The following SAMMSON variants were observed in gnomAD, a reference collection of about 807,000 sequenced individuals.
SAMMSON encodes survival associated mitochondrial melanoma specific oncogenic non-coding RNA.
At chr3:70,036,987 GATTA>G (rs1209144339) in intron 3 of SAMMSON, among the ~76,000 whole-genome samples, 1 of 152,026 alleles carries the variant, frequency 6.6e-6, no homozygotes, top group African/African-American at 2.4e-5. Flanking sequence ...ATAGGATGAT[GATTA>G]ATAGAATGTC....
At chr3:70,047,480 G>C (rs960513856) in intron 3 of SAMMSON, among the ~76,000 whole-genome samples, 1 of 151,732 alleles carries the variant, frequency 6.6e-6, no homozygotes, top group African/African-American at 2.4e-5. Flanking sequence ...GGAACTACAG[G>C]CACACACCTC....
At chr3:70,147,469 C>T (rs985863698) in intron 4 of SAMMSON, among the ~76,000 whole-genome samples, 5 of 152,040 alleles carry the variant, frequency 3.3e-5, no homozygotes, top group East Asian at 1.9e-4. Context: ...AGGGATCACA[C>T]GTAGATGACT....
intron 3 of SAMMSON, among the ~76,000 whole-genome samples, chr3:70,044,992 TTATATAATTAATTATATA>T (rs1238196152): frequency 1.5e-5 from 2 of 131,738 alleles, no homozygotes; most frequent in East Asian, 2.1e-4. Flanking sequence ...AATACTTTAA[TTATATAATTAATTATATA>T]TATATAATTA....
chr3:70,037,413 C>T (rs989914994), intron 3 of SAMMSON, among the ~76,000 whole-genome samples: 2 of 152,086 alleles, frequency 1.3e-5, no homozygotes, highest in Non-Finnish European at 2.9e-5. Flanking sequence ...ATGATTGGTT[C>T]ATAACTCAAT....
intron 4 of SAMMSON, chr3:70,137,519 TA>T (rs1275107143): frequency 6.6e-6 from 1 of 152,180 alleles, no homozygotes; most frequent in African/African-American, 2.4e-5. Context: ...TTTTTTTACA[TA>T]TTGTCTCAAC....
At chr3:70,063,203 G>A (rs541070743) in intron 3 of SAMMSON, among the ~76,000 whole-genome samples, 5 of 150,590 alleles carry the variant, frequency 3.3e-5, no homozygotes, top group South Asian at 2.1e-4. Context: ...TCACTGCTTC[G>A]TACCTTTTCC....
At chr3:70,014,669 C>T (rs2066974006) in intron 3 of SAMMSON, 1 of 152,186 alleles carries the variant, frequency 6.6e-6, no homozygotes, top group African/African-American at 2.4e-5. Flanking sequence ...TCTTTAGGGA[C>T]AGAACCAACC....
chr3:70,314,820 T>C (rs1237853039), intron 7 of SAMMSON, among the ~76,000 whole-genome samples: 2 of 152,152 alleles, frequency 1.3e-5, no homozygotes, highest in African/African-American at 2.4e-5. Flanking sequence ...AGAGAATCCA[T>C]TCCTACCCAC....
At chr3:70,033,389 A>G (rs2067072511) in intron 3 of SAMMSON, among the ~76,000 whole-genome samples, 1 of 152,014 alleles carries the variant, frequency 6.6e-6, no homozygotes, top group Non-Finnish European at 1.5e-5. Flanking sequence ...GGATTTGTTC[A>G]TGGTGTATGT....
At chr3:70,367,365 C>T (rs1702930589) in intron 9 of SAMMSON, among the ~76,000 whole-genome samples, 1 of 151,514 alleles carries the variant, frequency 6.6e-6, no homozygotes, top group Non-Finnish European at 1.5e-5. Context: ...CTACTCTCTA[C>T]CTTCATGAGA....
At chr3:70,177,790 A>T (rs1007558367) in intron 4 of SAMMSON, among the ~76,000 whole-genome samples, 1 of 152,172 alleles carries the variant, frequency 6.6e-6, no homozygotes, top group African/African-American at 2.4e-5. Flanking sequence ...ATTCAAACTG[A>T]GTTCTGTCCA....
intron 7 of SAMMSON, among the ~76,000 whole-genome samples, chr3:70,346,128 C>T (rs770747049): frequency 8.5e-5 from 13 of 152,118 alleles, no homozygotes; most frequent in African/African-American, 7.2e-5. Context: ...TTGCTCTTCA[C>T]GCTCACCAAT....
At chr3:70,000,309 C>T (rs1164420106) in intron 1 of SAMMSON, among the ~76,000 whole-genome samples, 1 of 152,220 alleles carries the variant, frequency 6.6e-6, no homozygotes, top group Non-Finnish European at 1.5e-5. Flanking sequence ...AAACGAGCCA[C>T]ACTCCCATCA....
intron 4 of SAMMSON, among the ~76,000 whole-genome samples, chr3:70,146,359 C>T (rs549618164): frequency 3.9e-5 from 6 of 151,936 alleles, no homozygotes; most frequent in East Asian, 3.9e-4. Flanking sequence ...AAAGACAGTA[C>T]AAAAATAGAA....
chr3:70,412,977 TTTG>T (rs768386249), intron 2 of SAMMSON, among the ~76,000 whole-genome samples: 2 of 152,112 alleles, frequency 1.3e-5, no homozygotes, highest in African/African-American at 4.8e-5. Context: ...AAACAGTTAT[TTTG>T]TTGTTGTTGT....
exon 10 of SAMMSON, chr3:70,389,767 G>C (rs1420927026): frequency 6.6e-6 from 1 of 152,182 alleles, no homozygotes; most frequent in South Asian, 2.1e-4. Flanking sequence ...GACAAGTCAA[G>C]TAGGATGAGG....
intron 4 of SAMMSON, among the ~76,000 whole-genome samples, chr3:70,130,270 T>A (rs1200390478): frequency 6.6e-6 from 1 of 152,218 alleles, no homozygotes; most frequent in Non-Finnish European, 1.5e-5. Flanking sequence ...CACGTCTGTC[T>A]GTACACGGAC....
intron 9 of SAMMSON, among the ~76,000 whole-genome samples, chr3:70,362,237 G>T (rs1287458180): frequency 6.6e-6 from 1 of 152,126 alleles, no homozygotes; most frequent in East Asian, 1.9e-4. Context: ...TAAAAAGTTA[G>T]AAATAAGTTG....
intron 9 of SAMMSON, among the ~76,000 whole-genome samples, chr3:70,368,052 T>C (rs913467518): frequency 6.6e-6 from 1 of 151,350 alleles, no homozygotes; most frequent in African/African-American, 2.4e-5. Flanking sequence ...TTTCTTCCAG[T>C]GTAGAATTTA....
Sources: allele counts gnomAD v4.1 joint callset (sites outside exome capture counted in the v4.1 genomes callset), GRCh38; gene constraint gnomAD v4.1.1; transcripts MANE v1.5; gene names NCBI Gene and HGNC (gene_info 2026-07-23, HGNC 2026-07-21).